The following GRM7 variants were observed in gnomAD, a reference collection of about 807,000 sequenced individuals.
GRM7 encodes the protein glutamate metabotropic receptor 7.
A neutral mutation model predicts 84.5 loss-of-function variants in GRM7; 35 were observed. The ratio of observed to expected loss-of-function variants is 0.41; its 90% CI spans 0.32 to 0.55. The LOEUF is 0.55. Among genes scored for constraint, GRM7 ranks in the 20% least tolerant of loss-of-function variants. The probability of loss-of-function intolerance (pLI) is 0.19; values close to 1 mark genes in which losing one functional copy is unlikely to be tolerated. For missense variants in GRM7, 1,003 were observed against 1,194.6 expected (o/e 0.84, Z 2.36); for synonymous variants, 487 against 455.1 (o/e 1.07, Z -0.89).
chr3:6,914,345 A>C (rs1238788179), intron 1 of GRM7, among the ~76,000 whole-genome samples: 2 of 152,196 alleles, frequency 1.3e-5, no homozygotes, highest in African/African-American at 4.8e-5. Flanking sequence ...GCTCTCTAAA[A>C]TGATATTAAA....
intron 1 of GRM7, among the ~76,000 whole-genome samples, chr3:6,889,571 A>C (rs1695848840): frequency 6.6e-6 from 1 of 152,160 alleles, no homozygotes; most frequent in African/African-American, 2.4e-5. Flanking sequence ...CTTGCATCCC[A>C]GGGATGAAGC....
At chr3:7,132,185 C>T (rs1194525823) in intron 1 of GRM7, among the ~76,000 whole-genome samples, 2 of 152,080 alleles carry the variant, frequency 1.3e-5, no homozygotes, top group African/African-American at 2.4e-5. Context: ...GCCCCCCCAA[C>T]AATATGGTTA....
intron 1 of GRM7, among the ~76,000 whole-genome samples, chr3:6,880,895 T>C (rs1304429522): frequency 6.6e-6 from 1 of 152,220 alleles, no homozygotes; most frequent in East Asian, 1.9e-4. Flanking sequence ...ATGCTTCTAA[T>C]AATTTATTAA....
intron 7 of GRM7, among the ~76,000 whole-genome samples, chr3:7,570,447 C>T (rs563459724): frequency 1.4e-4 from 22 of 152,230 alleles, no homozygotes; most frequent in African/African-American, 4.6e-4. Flanking sequence ...TTGGCCAAAA[C>T]GAGGGCCTCA....
At chr3:7,061,107 A>T (rs113202324) in intron 1 of GRM7, among the ~76,000 whole-genome samples, 84 of 151,902 alleles carry the variant, frequency 5.5e-4, no homozygotes, top group African/African-American at 1.9e-3. Flanking sequence ...ATATGTGGGC[A>T]GACTCTTGAA....
At position 7,609,533 on chromosome 3, in the gene GRM7, A is replaced by G. The variant is rs1696749356; in HGVS notation, c.2451+30176A>G. ...GGAACAGAAGATGAGCCTTTCCTCC[A>G]CATTAGCAGGAGGAAAAAACAGAGC... On this transcript the variant is annotated intron_variant, in intron 8 of 9. Transcript: ENST00000357716. Among the ~76,000 whole-genome samples the G allele has an allele frequency of 2.0e-5, 3 of 151,654 alleles. No homozygotes were observed. In the South Asian group the frequency reaches 6.2e-4, roughly 31 times the overall value.
rs1693787533 is a variant in GRM7 at position 7,364,312 on chromosome 3, TA to T, written c.1034-50710del. Among the ~76,000 whole-genome samples the T allele has an allele frequency of 2.0e-5, 3 of 151,884 alleles. No individual in the cohort carries two copies. In the South Asian group the frequency reaches 6.2e-4, roughly 31 times the overall value. On this transcript the variant is annotated intron_variant, in intron 4 of 9. Transcript: ENST00000357716. ...TTTTGTCTTAAATTTGATTTTGTTT[TA>T]TATACAGGCTCTCACAGTTTTGGTT...
At chr3:7,157,026 A>G (rs1252014306) in intron 2 of GRM7, among the ~76,000 whole-genome samples, 1 of 152,162 alleles carries the variant, frequency 6.6e-6, no homozygotes, top group Non-Finnish European at 1.5e-5. Flanking sequence ...AGATGTAAGG[A>G]ATCAAGAAGC....
chr3:6,873,332 C>A (rs1287565774), intron 1 of GRM7, among the ~76,000 whole-genome samples: 1 of 152,148 alleles, frequency 6.6e-6, no homozygotes, highest in African/African-American at 2.4e-5. Flanking sequence ...CTTGGCCTCC[C>A]AAAGTGTTGG....
chr3:7,068,524 C>T (rs1219252685), intron 1 of GRM7, among the ~76,000 whole-genome samples: 3 of 151,962 alleles, frequency 2.0e-5, no homozygotes, highest in African/African-American at 7.2e-5. Flanking sequence ...TGATTTTAAA[C>T]TCTATCTTGA....
At chr3:7,086,852 C>A (rs903394915) in intron 1 of GRM7, among the ~76,000 whole-genome samples, 1 of 152,210 alleles carries the variant, frequency 6.6e-6, no homozygotes, top group African/African-American at 2.4e-5. Flanking sequence ...GGAAACTTTG[C>A]TTCACTTAGA....
At chr3:7,728,599 G>C (rs904473343) in intron 9 of GRM7, among the ~76,000 whole-genome samples, 4 of 152,162 alleles carry the variant, frequency 2.6e-5, no homozygotes, top group Non-Finnish European at 5.9e-5. Flanking sequence ...AGGAGCACAG[G>C]ACTATCTTTA....
rs149556652 is a variant in GRM7 at position 7,213,174 on chromosome 3, T to C, written c.736+66506T>C. On this transcript the variant is annotated intron_variant, in intron 2 of 9. Coordinates refer to ENST00000357716, the MANE Select transcript of GRM7 (RefSeq NM_000844.4). ...GTACTTTAGATACCAACTTAACCAG[T>C]CAAAAACAAAATTCTTAGACAATTC... Among the ~76,000 whole-genome samples the C allele has an allele frequency of 2.8e-3, 429 of 152,222 alleles. 13 individuals carry two copies. In the East Asian group the frequency reaches 0.052, roughly 18 times the overall value.
intron 2 of GRM7, among the ~76,000 whole-genome samples, chr3:7,152,676 C>T (rs931528223): frequency 2.0e-5 from 3 of 152,220 alleles, no homozygotes; most frequent in Non-Finnish European, 2.9e-5. Context: ...CTCTCTCTTA[C>T]TCAGTCTTCC....
At chr3:6,939,627 A>G (rs1336043016) in intron 1 of GRM7, among the ~76,000 whole-genome samples, 1 of 152,208 alleles carries the variant, frequency 6.6e-6, no homozygotes, top group Middle Eastern at 3.2e-3. Flanking sequence ...GCTCCACAGT[A>G]GGCAATTAAT....
chr3:7,309,556 C>CT (rs879729496), intron 4 of GRM7, among the ~76,000 whole-genome samples: 34 of 152,174 alleles, frequency 2.2e-4, no homozygotes, highest in Admixed American at 6.5e-4. Flanking sequence ...AGTAATCTAC[C>CT]TTTTTTTCCC....
At chr3:7,608,981 C>G (rs1244845198) in intron 8 of GRM7, among the ~76,000 whole-genome samples, 1 of 152,088 alleles carries the variant, frequency 6.6e-6, no homozygotes, top group Non-Finnish European at 1.5e-5. Context: ...AGTCTTTTTC[C>G]CATTCCTTGT....
chr3:6,950,890 A>G (rs1559347390), intron 1 of GRM7, among the ~76,000 whole-genome samples: 1 of 152,202 alleles, frequency 6.6e-6, no homozygotes, highest in Non-Finnish European at 1.5e-5. Context: ...GTGCCGTTTG[A>G]TAAGCCCTCT....
intron 9 of GRM7, chr3:7,680,574 A>C (rs999483556): frequency 1.2e-5 from 5 of 408,772 alleles, no homozygotes; most frequent in African/African-American, 1.0e-4. Flanking sequence ...GAATCCTCCA[A>C]CTGACAAATG....
Sources: allele counts gnomAD v4.1 joint callset (sites outside exome capture counted in the v4.1 genomes callset), GRCh38; gene constraint gnomAD v4.1.1; transcripts MANE v1.5; gene names NCBI Gene and HGNC (gene_info 2026-07-23, HGNC 2026-07-21).